Variants in ERP44 observed in about 807,000 individuals in gnomAD.
The protein encoded by ERP44 is endoplasmic reticulum protein 44.
ERP44 carries 25 observed loss-of-function variants against 53.4 expected under a neutral mutation model. That is an observed-to-expected ratio of 0.47 (90% CI 0.34 to 0.65). The LOEUF (loss-of-function observed/expected upper bound fraction) is 0.65. Among genes scored for constraint, ERP44 ranks in the 30% least tolerant of loss-of-function variants. The pLI is 0.01. For missense variants in ERP44, 338 were observed against 493.2 expected (o/e 0.69, Z 2.98); for synonymous variants, 145 against 161.2 (o/e 0.90, Z 0.76).
At chr9:100,063,526 C>CTA (rs1554709825) in intron 1 of ERP44, among the ~76,000 whole-genome samples, 1 of 152,082 alleles carries the variant, frequency 6.6e-6, no homozygotes, top group South Asian at 2.1e-4. Context: ...GTGTCAAATG[C>CTA]TATAGTGCTT....
At chr9:100,051,687 A>C (rs769096976) in intron 4 of ERP44, among the ~76,000 whole-genome samples, 1 of 152,218 alleles carries the variant, frequency 6.6e-6, no homozygotes, top group Non-Finnish European at 1.5e-5. Flanking sequence ...AAATACAATG[A>C]GTTTAGCACG....
At chr9:100,098,657 G>T (rs951112161) in intron 1 of ERP44, 127 bp downstream of exon 1, 3 of 722,294 alleles carry the variant, frequency 4.2e-6, no homozygotes, top group Non-Finnish European at 6.9e-6. Flanking sequence ...GGCAGCGGGG[G>T]AGGGTGCACT....
rs370213259 is a variant in ERP44 at position 100,096,593 on chromosome 9, A to G, written c.57+2191T>C. On this transcript the variant is annotated intron_variant, in intron 1 of 11. Transcript: ENST00000262455. ...TATGTTTCAACTGTTATCTTATATG[A>G]ACACCACTAAATTTGAACAGGTCTA... 1.6e-4 allele frequency among the ~76,000 whole-genome samples: 25 copies of G among 152,236 alleles called. 1 individual carries two copies. Among genetic ancestry groups the G allele is most frequent in the Admixed American group, 9.8e-4 (15 of 15,296 alleles).
chr9:100,043,530 G>C (rs1334242312), intron 4 of ERP44, among the ~76,000 whole-genome samples: 1 of 151,870 alleles, frequency 6.6e-6, no homozygotes, highest in Non-Finnish European at 1.5e-5. Context: ...TGAGGCGGGT[G>C]GATCACTTGA....
intron 1 of ERP44, among the ~76,000 whole-genome samples, chr9:100,090,259 A>G (rs1826536920): frequency 6.6e-6 from 1 of 152,224 alleles, no homozygotes; most frequent in Non-Finnish European, 1.5e-5. Context: ...CTGACATTTT[A>G]CTGTACTTGG....
At position 100,024,335 on chromosome 9, in the gene ERP44, TAA is replaced by T. The variant is rs34537356; in HGVS notation, c.287-2111_287-2110del. On this transcript the variant is annotated intron_variant, in intron 4 of 11. Transcript: ENST00000262455. ...CTAAGGAGCAATCTTCAAGACAAGT[TAA>T]AAAAAAAAAAAAGCCAGGTGCAGAA... 1.3e-3 allele frequency among the ~76,000 whole-genome samples: 173 copies of T among 135,034 alleles called. 1 individual carries two copies. Among genetic ancestry groups the T allele is most frequent in the Middle Eastern group, 3.6e-3 (1 of 276 alleles). The allele number at this position is 135,034 out of a possible 152,430, so 88.6% of individuals were successfully genotyped here.
rs1469426383 is a variant in ERP44 at position 99,980,110 on chromosome 9, A to G, written c.*2502T>C. ...CCTGAGAACACCTATTCATCTTTTT[A>G]AAGCTCAAAATAAAAATAATGTCCT... is the stretch of plus-strand genomic sequence containing the variant. On this transcript the variant is annotated 3_prime_UTR_variant, in exon 12 of 12. Transcript: ENST00000262455. 5.0e-6 allele frequency: 2 copies of G among 398,340 alleles called. No homozygotes were observed. Among genetic ancestry groups the G allele is most frequent in the Non-Finnish European group, 8.9e-6 (2 of 225,970 alleles). 24.7% of individuals were successfully genotyped at this position (398,340 alleles called of 1,614,324 possible). A position where few individuals can be genotyped will look rare whatever the true frequency, so the allele number is the denominator to read the frequency against.
chr9:100,077,263 C>A (rs1319274827), intron 1 of ERP44, among the ~76,000 whole-genome samples: 1 of 152,212 alleles, frequency 6.6e-6, no homozygotes, highest in Non-Finnish European at 1.5e-5. Flanking sequence ...CAAAGACGCT[C>A]ACTTTACAAC....
Position 99,999,012 on chromosome 9 carries a change from G to T in ERP44, c.1016+7494C>A, listed in dbSNP as rs2118620772. 4 of 1,047,290 alleles carry T rather than the reference G, an allele frequency of 3.8e-6. No individual in the cohort carries two copies. In the East Asian group the frequency reaches 7.3e-5, roughly 19 times the overall value. The allele number at this position is 1,047,290 out of a possible 1,614,324, so 64.9% of individuals were successfully genotyped here. Reference sequence around the variant, plus strand: ...CAAAGAACTGGAAGTAGTCGTGCGTGGGCAGCGGGCGCAGCTGCTCCTTGG... The same window carrying T: ...CAAAGAACTGGAAGTAGTCGTGCGTTGGCAGCGGGCGCAGCTGCTCCTTGG... On this transcript the variant is annotated intron_variant, in intron 10 of 11. Coordinates refer to ENST00000262455, the MANE Select transcript of ERP44 (RefSeq NM_015051.3).
intron 6 of ERP44, among the ~76,000 whole-genome samples, chr9:100,019,687 C>G (rs1256249348): frequency 6.6e-6 from 1 of 151,584 alleles, no homozygotes; most frequent in Non-Finnish European, 1.5e-5. Context: ...GATAAAGTCA[C>G]AGAATTCAGA....
chr9:99,991,486 A>G (rs951988031), intron 10 of ERP44, among the ~76,000 whole-genome samples: 1 of 152,230 alleles, frequency 6.6e-6, no homozygotes, highest in African/African-American at 2.4e-5. Flanking sequence ...AAGACAGTGT[A>G]CCAGGGTCTC....
intron 2 of ERP44, among the ~76,000 whole-genome samples, 159 bp from the exon 3 acceptor site, chr9:100,058,018 T>C (rs946240224): frequency 6.6e-6 from 1 of 152,226 alleles, no homozygotes; most frequent in Non-Finnish European, 1.5e-5. Context: ...GGACAGCTTA[T>C]ATAATTTATG....
chr9:100,047,849 C>G (rs1165245448), intron 4 of ERP44, among the ~76,000 whole-genome samples: 1 of 152,042 alleles, frequency 6.6e-6, no homozygotes, highest in Non-Finnish European at 1.5e-5. Flanking sequence ...GGGTGAATAT[C>G]TAGAATATAC....
intron 10 of ERP44, among the ~76,000 whole-genome samples, chr9:100,004,593 G>A (rs1182493143): frequency 6.6e-6 from 1 of 152,200 alleles, no homozygotes; most frequent in Non-Finnish European, 1.5e-5. Flanking sequence ...AAAGTTCAGT[G>A]CTAACTTCCT....
chr9:100,047,157 T>G (rs1386541040), intron 4 of ERP44, among the ~76,000 whole-genome samples: 1 of 152,114 alleles, frequency 6.6e-6, no homozygotes, highest in Non-Finnish European at 1.5e-5. Context: ...AAAGAAAACA[T>G]AGCAGAAAAT....
At chr9:100,058,889 T>G (rs1826113257) in intron 2 of ERP44, among the ~76,000 whole-genome samples, 1 of 152,250 alleles carries the variant, frequency 6.6e-6, no homozygotes, top group Non-Finnish European at 1.5e-5. Context: ...AAGTTACTTT[T>G]TATATACTTG....
chr9:100,065,503 T>C (rs1440548102), intron 1 of ERP44, among the ~76,000 whole-genome samples: 2 of 152,174 alleles, frequency 1.3e-5, no homozygotes, highest in East Asian at 3.8e-4. Flanking sequence ...AAAATAAGTA[T>C]GTGAGGTGAC....
At chr9:99,984,879 A>C (rs1452155756) in intron 11 of ERP44, 88 bp downstream of exon 11, 13 of 698,788 alleles carry the variant, frequency 1.9e-5, no homozygotes, top group Admixed American at 5.4e-5. Context: ...CTGAAGCTCA[A>C]GCTGATGCAA....
chr9:100,094,057 T>C (rs1826595189), intron 1 of ERP44, among the ~76,000 whole-genome samples: 1 of 152,144 alleles, frequency 6.6e-6, no homozygotes, highest in Admixed American at 6.5e-5. Flanking sequence ...AGATACACTA[T>C]CAAAATTACG....
Sources: allele counts gnomAD v4.1 joint callset (sites outside exome capture counted in the v4.1 genomes callset), GRCh38; gene constraint gnomAD v4.1.1; transcripts MANE v1.5; gene names NCBI Gene and HGNC (gene_info 2026-07-23, HGNC 2026-07-21).